The following RAB6A variants were observed in gnomAD, a reference collection of about 807,000 sequenced individuals.
RAB6A encodes RAB6A, member RAS oncogene family.
In RAB6A, 8 loss-of-function variants were observed where a neutral mutation model predicts 32.3. The ratio of observed to expected loss-of-function variants is 0.25; its 90% CI spans 0.15 to 0.45. The LOEUF is 0.45. Ranked by LOEUF, RAB6A falls within the 20% of genes least tolerant of loss-of-function variation. The pLI is 1.00. For missense variants in RAB6A, 104 were observed against 249.4 expected, an observed-to-expected ratio of 0.42 and a Z score of 3.93; for synonymous variants, 73 against 82.1, an observed-to-expected ratio of 0.89 and a Z score of 0.60.
intron 5 of RAB6A, among the ~76,000 whole-genome samples, chr11:73,710,014 A>G (rs1323671750): frequency 6.7e-6 from 1 of 148,204 alleles, no homozygotes; most frequent in Non-Finnish European, 1.5e-5. Context: ...ACTGGAGTGA[A>G]GTGGCACGAT....
chr11:73,707,711 C>CT (rs915639926), intron 5 of RAB6A, among the ~76,000 whole-genome samples, 198 bp from the exon 6 acceptor site: 10 of 151,900 alleles, frequency 6.6e-5, no homozygotes, highest in African/African-American at 1.5e-4. Flanking sequence ...TTTTTAAAGA[C>CT]TTTTTTTTGT....
intron 1 of RAB6A, among the ~76,000 whole-genome samples, chr11:73,756,477 A>C (rs1946751892): frequency 6.6e-6 from 1 of 152,230 alleles, no homozygotes; most frequent in East Asian, 1.9e-4. Context: ...AGTGAAAAAA[A>C]CAGTAGTAGG....
chr11:73,758,680 T>C (rs1368942115), intron 1 of RAB6A, among the ~76,000 whole-genome samples: 2 of 152,228 alleles, frequency 1.3e-5, no homozygotes, highest in Non-Finnish European at 2.9e-5. Flanking sequence ...TGCTAAAACC[T>C]TTTTAGGCAG....
intron 5 of RAB6A, among the ~76,000 whole-genome samples, chr11:73,712,139 C>G (rs1945966738): frequency 6.6e-6 from 1 of 152,132 alleles, no homozygotes; most frequent in South Asian, 2.1e-4. Context: ...CATTAAGAAC[C>G]AGAATTCAGT....
chr11:73,734,134 G>C (rs1946358656), intron 1 of RAB6A, among the ~76,000 whole-genome samples: 1 of 151,964 alleles, frequency 6.6e-6, no homozygotes. Context: ...TCAAGTTTTT[G>C]TTTGTTTTTG....
chr11:73,686,342 G>A (rs533750645), intron 6 of RAB6A, among the ~76,000 whole-genome samples: 1 of 152,126 alleles, frequency 6.6e-6, no homozygotes, highest in Admixed American at 6.6e-5. Flanking sequence ...GATCATTTGA[G>A]GTCAGGAGTT....
chr11:73,737,013 A>G (rs906526076), intron 1 of RAB6A, among the ~76,000 whole-genome samples: 4 of 151,542 alleles, frequency 2.6e-5, no homozygotes, highest in African/African-American at 9.7e-5. Flanking sequence ...AAGAAAGAAA[A>G]CAAGTGCTGG....
chr11:73,709,020 T>C (rs1264290404), intron 5 of RAB6A, among the ~76,000 whole-genome samples: 3 of 152,232 alleles, frequency 2.0e-5, no homozygotes, highest in Non-Finnish European at 4.4e-5. Flanking sequence ...TCTCTGTGTA[T>C]ATAAATTTTC....
At chr11:73,714,171 A>C (rs892918270) in intron 5 of RAB6A, among the ~76,000 whole-genome samples, 4 of 139,426 alleles carry the variant, frequency 2.9e-5, no homozygotes, top group Non-Finnish European at 4.6e-5. Context: ...CAGCCTAAGC[A>C]ACAAGAGCAG....
intron 7 of RAB6A, 31 bp downstream of exon 7, chr11:73,679,623 T>C (rs1945322193): frequency 6.2e-7 from 1 of 1,612,506 alleles, no homozygotes; most frequent in East Asian, 2.2e-5. Flanking sequence ...GTGTTAATAA[T>C]GAAAAATTTC....
At chr11:73,737,890 G>C (rs936654706) in intron 1 of RAB6A, among the ~76,000 whole-genome samples, 1 of 151,262 alleles carries the variant, frequency 6.6e-6, no homozygotes, top group Non-Finnish European at 1.5e-5. Flanking sequence ...CCAGCTACTC[G>C]GGAGGCTGAG....
At chr11:73,681,616 C>A (rs1020286934) in intron 6 of RAB6A, among the ~76,000 whole-genome samples, 1 of 152,168 alleles carries the variant, frequency 6.6e-6, no homozygotes, top group Non-Finnish European at 1.5e-5. Flanking sequence ...TGAGACCAGC[C>A]TGGCCAACAT....
At chr11:73,752,333 G>A (rs1946681242) in intron 1 of RAB6A, among the ~76,000 whole-genome samples, 1 of 152,128 alleles carries the variant, frequency 6.6e-6, no homozygotes, top group South Asian at 2.1e-4. Context: ...GCAGATGCCT[G>A]TAATCTCAGC....
At chr11:73,730,125 A>G (rs370980747) in intron 2 of RAB6A, 7 of 152,338 alleles carry the variant, frequency 4.6e-5, no homozygotes, top group African/African-American at 1.7e-4. Context: ...GAATAATGAT[A>G]AAACCTAAAT....
chr11:73,703,201 T>C (rs1945774745), intron 6 of RAB6A, among the ~76,000 whole-genome samples: 1 of 152,122 alleles, frequency 6.6e-6, no homozygotes, highest in Non-Finnish European at 1.5e-5. Context: ...CATGTATCTA[T>C]GTCTAAGGTG....
intron 6 of RAB6A, among the ~76,000 whole-genome samples, chr11:73,700,622 G>C (rs570159053): frequency 8.9e-6 from 1 of 112,934 alleles, no homozygotes; most frequent in Non-Finnish European, 1.8e-5. Context: ...GGGGGGGGGG[G>C]GGAGGAGGGT....
chr11:73,687,466 G>A (rs1201945212), intron 6 of RAB6A, among the ~76,000 whole-genome samples: 1 of 152,176 alleles, frequency 6.6e-6, no homozygotes, highest in Non-Finnish European at 1.5e-5. Flanking sequence ...TTTTAGGTGT[G>A]AGCCACTGTG....
Position 73,685,724 on chromosome 11 carries a change from CA to C in RAB6A, c.496-6005del, listed in dbSNP as rs371682393. ...TGAAACCCCATCTCTATTAAAAATACAAAAAAAAAAAATAGCCAGGTGTGGT... is the reference window on the plus strand; with the variant it reads ...TGAAACCCCATCTCTATTAAAAATACAAAAAAAAAAATAGCCAGGTGTGGT... On this transcript the variant is annotated intron_variant, in intron 6 of 7. Coordinates refer to ENST00000336083, the MANE Select transcript of RAB6A (RefSeq NM_198896.2). Among the ~76,000 whole-genome samples the C allele has an allele frequency of 4.5e-3, 601 of 134,444 alleles. 5 individuals carry two copies. Among genetic ancestry groups the C allele is most frequent in the African/African-American group, 0.012 (448 of 36,444 alleles). The allele number at this position is 134,444 out of a possible 152,430, so 88.2% of individuals were successfully genotyped here. A position where few individuals can be genotyped will look rare whatever the true frequency, so the allele number is the denominator to read the frequency against.
At position 73,757,104 on chromosome 11, in the gene RAB6A, T is replaced by TATATAC. The variant is rs1946763831; in HGVS notation, c.70+3461_70+3462insGTATAT. Among the ~76,000 whole-genome samples the TATATAC allele has an allele frequency of 6.4e-4, 23 of 35,668 alleles. No individual in the cohort carries two copies. The South Asian group carries it at 0.018, about 27-fold the overall frequency. The allele number at this position is 35,668 out of a possible 152,430, so 23.4% of individuals were successfully genotyped here. A position where few individuals can be genotyped will look rare whatever the true frequency, so the allele number is the denominator to read the frequency against. On this transcript the variant is annotated intron_variant, in intron 1 of 7. Coordinates refer to ENST00000336083, the MANE Select transcript of RAB6A (RefSeq NM_198896.2). The stretch of plus-strand genomic sequence containing the variant: ...AGTATCTTAAATATACATACATATA[T>TATATAC]ATATATATATATATATATATATATA...
Sources: gnomAD v4.1 joint callset for allele counts (sites outside exome capture counted in the v4.1 genomes callset) on GRCh38, gnomAD v4.1.1 for gene constraint, MANE v1.5 for transcripts, NCBI Gene and HGNC (gene_info 2026-07-23, HGNC 2026-07-21) for gene names.